BTC: variants seen among roughly 807,000 people sequenced by gnomAD.
BTC encodes betacellulin.
In BTC, 13 loss-of-function variants were observed where a neutral mutation model predicts 18.1. The observed-to-expected ratio is 0.72, with a 90% CI of 0.47 to 1.14. The LOEUF (loss-of-function observed/expected upper bound fraction) is 1.14. BTC is among the 50% of genes most tolerant of loss of function. BTC has a pLI of 0.00. For synonymous variants in BTC, 83 were observed against 79.4 expected (o/e 1.05, Z -0.24); for missense variants, 247 against 224.2 (o/e 1.10, Z -0.65).
chr4:74,780,894 TTC>T (rs1241469483), intron 1 of BTC, among the ~76,000 whole-genome samples: 1 of 103,466 alleles, frequency 9.7e-6, no homozygotes, highest in African/African-American at 7.5e-5. Context: ...TACTGAGAGT[TTC>T]TTTTTTTTTT....
intron 1 of BTC, among the ~76,000 whole-genome samples, chr4:74,784,445 G>T (rs561988002): frequency 1.3e-5 from 2 of 151,976 alleles, no homozygotes; most frequent in Admixed American, 1.3e-4. Flanking sequence ...TTCCTGGCCA[G>T]AACATTCAAT....
chr4:74,777,532 T>C (rs890055537), intron 1 of BTC, among the ~76,000 whole-genome samples: 1 of 152,236 alleles, frequency 6.6e-6, no homozygotes, highest in Non-Finnish European at 1.5e-5. Context: ...TATATATGCA[T>C]ACCTTCTACA....
intron 1 of BTC, among the ~76,000 whole-genome samples, chr4:74,778,025 A>T (rs1173560367): frequency 6.6e-6 from 1 of 151,024 alleles, no homozygotes; most frequent in Non-Finnish European, 1.5e-5. Context: ...ACCCTATCTA[A>T]CGTGGAGTTT....
At chr4:74,774,283 A>G (rs926127015) in intron 1 of BTC, among the ~76,000 whole-genome samples, 2 of 152,214 alleles carry the variant, frequency 1.3e-5, no homozygotes, top group African/African-American at 4.8e-5. Context: ...GTGCTCTGCC[A>G]GTTCTTGAAT....
chr4:74,750,774 C>T, intron 3 of BTC, 55 bp from the exon 4 acceptor site: 1 of 1,571,964 alleles, frequency 6.4e-7, no homozygotes, highest in Non-Finnish European at 8.6e-7. Context: ...TTAAGAATCT[C>T]TACTTCTTTT....
intron 2 of BTC, among the ~76,000 whole-genome samples, chr4:74,764,402 C>T (rs1390598581): frequency 6.6e-6 from 1 of 151,936 alleles, no homozygotes; most frequent in Non-Finnish European, 1.5e-5. Context: ...GGGCATAGAC[C>T]AAAATGAAAA....
intron 1 of BTC, among the ~76,000 whole-genome samples, chr4:74,791,954 C>T (rs1430035474): frequency 3.4e-5 from 5 of 146,020 alleles, no homozygotes; most frequent in African/African-American, 7.7e-5. Flanking sequence ...CCACTCTCAT[C>T]GCATTTCCAC....
intron 4 of BTC, among the ~76,000 whole-genome samples, chr4:74,748,421 A>AG (rs1724353418): frequency 6.6e-6 from 1 of 152,056 alleles, no homozygotes; most frequent in Non-Finnish European, 1.5e-5. Context: ...CTGTAGTCCC[A>AG]GCTACTCGGG....
intron 4 of BTC, 123 bp from the exon 5 acceptor site, chr4:74,748,272 G>A (rs1183114260): frequency 3.6e-6 from 2 of 559,308 alleles, no homozygotes; most frequent in South Asian, 2.5e-5. Context: ...TTCTAGGCCG[G>A]GCGCAGTGGC....
intron 2 of BTC, among the ~76,000 whole-genome samples, chr4:74,757,296 A>C (rs377229664): frequency 5.9e-5 from 9 of 152,226 alleles, no homozygotes; most frequent in East Asian, 5.8e-4. Context: ...TGATCTAAAT[A>C]CTGCAAATTC....
chr4:74,772,652 C>CAA (rs1179856738), intron 1 of BTC, among the ~76,000 whole-genome samples: 17 of 91,174 alleles, frequency 1.9e-4, no homozygotes, highest in African/African-American at 1.2e-4. Context: ...ATGGTGAGAA[C>CAA]AAAAAAAAAA....
chr4:74,789,531 C>T (rs563788941), intron 1 of BTC, among the ~76,000 whole-genome samples: 3 of 152,204 alleles, frequency 2.0e-5, no homozygotes, highest in East Asian at 3.9e-4. Flanking sequence ...TCTTTATTAA[C>T]ATTCTATAGG....
chr4:74,759,657 TAA>T (rs61506916), intron 2 of BTC, among the ~76,000 whole-genome samples: 138 of 146,762 alleles, frequency 9.4e-4, no homozygotes, highest in Admixed American at 1.1e-3. Flanking sequence ...ACATTTAAGT[TAA>T]AAAAAAAAAA....
chr4:74,793,780 C>T (rs1396631108), intron 1 of BTC, among the ~76,000 whole-genome samples: 1 of 151,968 alleles, frequency 6.6e-6, no homozygotes, highest in African/African-American at 2.4e-5. Context: ...GTGATCACAC[C>T]TTCAGTCAAA....
intron 1 of BTC, among the ~76,000 whole-genome samples, chr4:74,787,639 C>CGG (rs1725514722): frequency 6.6e-6 from 1 of 152,146 alleles, no homozygotes; most frequent in Non-Finnish European, 1.5e-5. Flanking sequence ...TGGGGTCTGG[C>CGG]ACTGCCTAAG....
intron 1 of BTC, among the ~76,000 whole-genome samples, chr4:74,770,911 G>A (rs891605978): frequency 4.0e-4 from 54 of 135,288 alleles, no homozygotes; most frequent in Admixed American, 7.6e-4. Flanking sequence ...GGTCTATATC[G>A]TGTATGTGTG....
At chr4:74,776,139 C>T (rs1725169966) in intron 1 of BTC, among the ~76,000 whole-genome samples, 1 of 151,658 alleles carries the variant, frequency 6.6e-6, no homozygotes. Flanking sequence ...TTTATGGTTT[C>T]TTTTTTTCAT....
chr4:74,753,959 G>A (rs113147104), intron 3 of BTC, among the ~76,000 whole-genome samples: 216 of 152,132 alleles, frequency 1.4e-3, no homozygotes, highest in African/African-American at 4.7e-3. Context: ...TAGTGTTTTC[G>A]CATTTATTAT....
intron 2 of BTC, among the ~76,000 whole-genome samples, chr4:74,767,396 G>A (rs554522368): frequency 1.3e-5 from 2 of 151,922 alleles, no homozygotes; most frequent in Non-Finnish European, 2.9e-5. Context: ...CTTGCACACT[G>A]AAAACTATAA....
Sources: gnomAD v4.1 joint callset for allele counts (sites outside exome capture counted in the v4.1 genomes callset) on GRCh38, gnomAD v4.1.1 for gene constraint, MANE v1.5 for transcripts, NCBI Gene and HGNC (gene_info 2026-07-23, HGNC 2026-07-21) for gene names.